Variants in ARSD observed in about 807,000 individuals in gnomAD.
ARSD encodes testis tissue sperm-binding protein Li 39a.
Under a neutral mutation model 32.6 loss-of-function variants are expected in ARSD, and 21 were observed. The ratio of observed to expected loss-of-function variants is 0.64; its 90% CI spans 0.46 to 0.93. The LOEUF (loss-of-function observed/expected upper bound fraction) is 0.93, where lower values mean the gene tolerates loss of function less well. Among genes scored for constraint, ARSD ranks in the 40% least tolerant of loss-of-function variants. The probability of loss-of-function intolerance (pLI) is 0.00; values close to 1 mark genes in which losing one functional copy is unlikely to be tolerated. For missense variants in ARSD, 454 were observed against 520.9 expected (o/e 0.87, Z 1.25); for synonymous variants, 224 against 237.4 (o/e 0.94, Z 0.52).
In ARSD at chrX:2,920,594, T is replaced by G; in HGVS notation, c.439+7A>C. 1 of 1,211,546 alleles carries G rather than the reference T, an allele frequency of 8.3e-7. No homozygotes were observed. The highest frequency in any genetic ancestry group is 1.8e-5 in the South Asian group (1 of 56,971). ...CCGTATAATGTGAGGCTCCCACATATCCACACCTATGAGGCCGGTTGCATA... is the reference window on the plus strand; with the variant it reads ...CCGTATAATGTGAGGCTCCCACATAGCCACACCTATGAGGCCGGTTGCATA... On this transcript the variant is annotated splice_region_variant and intron_variant, in intron 4 of 9. Transcript: ENST00000381154.
rs116591297 is a variant in ARSD at position 2,928,294 on chromosome X, A to T, written c.44+938T>A. Among the ~76,000 whole-genome samples the T allele has an allele frequency of 4.9e-3, 414 of 83,827 alleles. 4 individuals are homozygous for T. The highest frequency in any genetic ancestry group is 0.017 in the African/African-American group (385 of 22,187). 72.8% of individuals were successfully genotyped at this position (83,827 alleles called of 115,157 possible). ...TGGTGGAGATGGGGACGGGACAGAGAAGTCTTGGGGGGTGACCGGGGTAGG... is the reference window on the plus strand; with the variant it reads ...TGGTGGAGATGGGGACGGGACAGAGTAGTCTTGGGGGGTGACCGGGGTAGG... On this transcript the variant is annotated intron_variant, in intron 1 of 9. Coordinates refer to ENST00000381154, the MANE Select transcript of ARSD (RefSeq NM_001669.4).
rs1214323578 is a variant in ARSD, at chrX:2,922,290, A to G, written c.195-266T>C. Among the ~76,000 whole-genome samples, 4 of 110,663 alleles carry G rather than the reference A, an allele frequency of 3.6e-5. No homozygotes were observed. The East Asian group carries it at 1.1e-3, about 31-fold the overall frequency. The stretch of plus-strand genomic sequence containing the variant: ...GAGACAATTTATGACTCATATAACG[A>G]GGCTTTCTGGGGAGAGCAGGGCAGG... On this transcript the variant is annotated intron_variant, in intron 2 of 9. Coordinates refer to ENST00000381154, the MANE Select transcript of ARSD (RefSeq NM_001669.4).
rs1385097998 is a variant in ARSD, at chrX:2,906,260, CCTAAGTAGCTGAGACTACAG to C, written c.*991_*1010del. 1 of 110,121 alleles carries C rather than the reference CCTAAGTAGCTGAGACTACAG, an allele frequency of 9.1e-6. No individual in the cohort carries two copies. Among genetic ancestry groups the C allele is most frequent in the Non-Finnish European group, 1.9e-5 (1 of 52,864 alleles). The allele number at this position is 110,121 out of a possible 1,213,427, so 9.1% of individuals were successfully genotyped here. The stretch of plus-strand genomic sequence containing the variant: ...TCAAATAATCCTCCCGCCTCAGCCT[CCTAAGTAGCTGAGACTACAG>C]CTGTGCGCCACGACATCTAGCTAAT... On this transcript the variant is annotated 3_prime_UTR_variant, in exon 10 of 10. Coordinates refer to ENST00000381154, the MANE Select transcript of ARSD (RefSeq NM_001669.4).
intron 8 of ARSD, 74 bp from the exon 9 acceptor site, chrX:2,908,916 A>G (rs955892864): frequency 1.7e-6 from 2 of 1,186,217 alleles, no homozygotes; most frequent in Non-Finnish European, 2.3e-6. Flanking sequence ...CTGGGAACAC[A>G]TCTCCCAGAA....
intron 6 of ARSD, chrX:2,914,744 T>C (rs2088939049): frequency 1.9e-6 from 2 of 1,027,666 alleles, no homozygotes; most frequent in Admixed American, 4.9e-5. Context: ...TCACTTTCGG[T>C]AACTTCTGAT....
chrX:2,914,468 G>A, intron 6 of ARSD: 21 of 767,553 alleles, frequency 2.7e-5, no homozygotes, highest in Non-Finnish European at 3.3e-5. Flanking sequence ...TTGAACTCCT[G>A]GTCTCAAGCC....
Position 2,918,112 on chromosome X carries a change from G to T in ARSD, c.555C>A (p.Asp185Glu), listed in dbSNP as rs199775950. Residue 185 changes from aspartate to glutamate, a missense_variant, in exon 5 of 10, where the codon GAC (aspartate) becomes GAA (glutamate). Coordinates refer to ENST00000381154, the MANE Select transcript of ARSD (RefSeq NM_001669.4). ...GMPFTLTNDCDPGRPPEVDAA... is the reference protein window; with the variant it reads ...GMPFTLTNDCEPGRPPEVDAA... ...CGTCCACTTCGGGGGGCCTGCCTGG[G>T]TCACAGTCGTTTGTGAGCGTGAAGG... 25 of 1,200,102 alleles carry T rather than the reference G, an allele frequency of 2.1e-5. No homozygotes were observed. The East Asian group carries it at 2.4e-4, about 12-fold the overall frequency.
intron 1 of ARSD, among the ~76,000 whole-genome samples, chrX:2,926,988 G>C (rs2089088508): frequency 9.3e-6 from 1 of 107,569 alleles, no homozygotes; most frequent in South Asian, 4.3e-4. Flanking sequence ...ACGCGAACGA[G>C]GGGTGTGTCT....
Position 2,908,272 on chromosome X carries a change from A to G in ARSD, c.1420+449T>C, listed in dbSNP as rs778186306. Among the ~76,000 whole-genome samples, 6 of 110,100 alleles carry G rather than the reference A, an allele frequency of 5.4e-5. No homozygotes were observed. In the Admixed American group the frequency reaches 5.8e-4, roughly 11 times the overall value. ...CTATCATCTATCTTATCTATCCATC[A>G]TCTATCTTATATATCTATCATCTAT... On this transcript the variant is annotated intron_variant, in intron 9 of 9. Coordinates refer to ENST00000381154, the MANE Select transcript of ARSD (RefSeq NM_001669.4).
intron 9 of ARSD, among the ~76,000 whole-genome samples, chrX:2,908,384 TATCC>T (rs1441461583): frequency 9.0e-6 from 1 of 110,826 alleles, no homozygotes; most frequent in African/African-American, 3.3e-5. Flanking sequence ...CTTAAATATC[TATCC>T]ATCATCTATC....
rs184931670 is a variant in ARSD, at chrX:2,907,560, C to T, written c.1493G>A (p.Arg498Gln). Residue 498 changes from arginine (R) to glutamine (Q), a missense_variant, in exon 10 of 10, where the codon CGA (arginine) becomes CAA (glutamine). By Grantham distance (43) the Arg-to-Gln change is conservative. Coordinates refer to ENST00000381154, the MANE Select transcript of ARSD (RefSeq NM_001669.4). The part of the protein sequence containing the change: ...HPEGAGACYG[R>Q]GVCPCSGEGV... Reference sequence around the variant, plus strand: ...CTCCCCGGAGCATGGGCAGACGCCTCGGCCGTAGCAGGCCCCCGCTCCCTC... The same window carrying T: ...CTCCCCGGAGCATGGGCAGACGCCTTGGCCGTAGCAGGCCCCCGCTCCCTC... The T allele has an allele frequency of 8.7e-6, 10 of 1,152,413 alleles. No homozygotes were observed. Among genetic ancestry groups the T allele is most frequent in the African/African-American group, 5.3e-5 (3 of 56,267 alleles). 95.0% of individuals were successfully genotyped at this position (1,152,413 alleles called of 1,213,427 possible). A position where few individuals can be genotyped will look rare whatever the true frequency, so the allele number is the denominator to read the frequency against.
chrX:2,926,263 GTC>G (rs756166499), intron 1 of ARSD, among the ~76,000 whole-genome samples: 1 of 111,821 alleles, frequency 8.9e-6, no homozygotes, highest in South Asian at 3.8e-4. Flanking sequence ...CCCTTATCTT[GTC>G]TCCTGCTAAA....
At chrX:2,929,207 G>T in intron 1 of ARSD, 25 bp downstream of exon 1, 1 of 1,040,352 alleles carries the variant, frequency 9.6e-7, no homozygotes, top group Non-Finnish European at 1.2e-6. Context: ...CCTTAGTATG[G>T]GCCGCGTCCC....
At chrX:2,928,108 C>G (rs939573301) in intron 1 of ARSD, among the ~76,000 whole-genome samples, 3 of 110,951 alleles carry the variant, frequency 2.7e-5, no homozygotes, top group Admixed American at 9.6e-5. Context: ...AGTCACGACC[C>G]TCTACCGGTG....
intron 5 of ARSD, 149 bp downstream of exon 5, chrX:2,917,655 G>A (rs184795965): frequency 8.1e-5 from 43 of 532,623 alleles, no homozygotes; most frequent in Non-Finnish European, 1.1e-4. Context: ...TTTATTTATT[G>A]TAGAACCTGT....
chrX:2,914,747 C>T lies in ARSD; in HGVS notation c.1000+809G>A. 5 of 1,027,442 alleles carry T rather than the reference C, an allele frequency of 4.9e-6. No homozygotes were observed. In the South Asian group the frequency reaches 9.1e-5, roughly 19 times the overall value. 84.7% of individuals were successfully genotyped at this position (1,027,442 alleles called of 1,213,427 possible). On this transcript the variant is annotated intron_variant, in intron 6 of 9. Transcript: ENST00000381154. ...AACTTTATCGCTTCACTTTCGGTAA[C>T]TTCTGATGATGACATGAAGTCACTG... is the stretch of plus-strand genomic sequence containing the variant.
rs1254534634 is a variant in ARSD, at chrX:2,905,358, G to A, written c.*1913C>T. 41 of 178,298 alleles carry A rather than the reference G, an allele frequency of 2.3e-4. No homozygotes were observed. Among genetic ancestry groups the A allele is most frequent in the South Asian group, 8.1e-4 (8 of 9,836 alleles). The allele number at this position is 178,298 out of a possible 1,213,427, so 14.7% of individuals were successfully genotyped here. On this transcript the variant is annotated 3_prime_UTR_variant, in exon 10 of 10. Transcript: ENST00000381154. Reference sequence around the variant, plus strand: ...CTCGATAGATGGACTGAGGGGAATAGTGCAAGGTCCTCCCATCCCCAGTAT... The same window carrying A: ...CTCGATAGATGGACTGAGGGGAATAATGCAAGGTCCTCCCATCCCCAGTAT...
intron 5 of ARSD, among the ~76,000 whole-genome samples, 173 bp downstream of exon 5, chrX:2,917,631 G>A (rs1311085563): frequency 3.0e-4 from 33 of 110,150 alleles, no homozygotes; most frequent in African/African-American, 9.9e-4. Flanking sequence ...ACACCACTAT[G>A]CCCGGCTAAT....
intron 8 of ARSD, among the ~76,000 whole-genome samples, chrX:2,909,064 A>G (rs1240331136): frequency 9.4e-6 from 1 of 106,237 alleles, no homozygotes. Context: ...GTTATGCAGC[A>G]CTGCATAAGC....
Sources: gnomAD v4.1 joint callset for allele counts (sites outside exome capture counted in the v4.1 genomes callset) on GRCh38, gnomAD v4.1.1 for gene constraint, MANE v1.5 for transcripts, NCBI Gene and HGNC (gene_info 2026-07-23, HGNC 2026-07-21) for gene names.